The following ZFPM2 variants were observed in gnomAD, a reference collection of about 807,000 sequenced individuals.
The protein encoded by ZFPM2 is zinc finger protein ZFPM2.
In ZFPM2, 20 loss-of-function variants were observed where a neutral mutation model predicts 98.6. That is an observed-to-expected ratio of 0.20 (90% CI 0.14 to 0.29). ZFPM2 has a LOEUF of 0.29. Among genes scored for constraint, ZFPM2 ranks in the 10% least tolerant of loss-of-function variants. The pLI, the probability that ZFPM2 is intolerant of heterozygous loss-of-function variation, is 1.00. For synonymous variants in ZFPM2, 518 were observed against 502.7 expected, an observed-to-expected ratio of 1.03 and a Z score of -0.41; for missense variants, 1,310 against 1,388.6, an observed-to-expected ratio of 0.94 and a Z score of 0.90.
chr8:105,386,191 C>G (rs1453380123), intron 1 of ZFPM2, among the ~76,000 whole-genome samples: 1 of 152,152 alleles, frequency 6.6e-6, no homozygotes, highest in Non-Finnish European at 1.5e-5. Flanking sequence ...TGATATAACT[C>G]ATGAAGAGCC....
Position 105,801,867 on chromosome 8 carries a change from G to A in ZFPM2, c.1785G>A (p.Leu595=). Residue 595 remains leucine, a synonymous_variant, in exon 8 of 8, where the codon TTG becomes TTA. Transcript: ENST00000407775. ...TGTCAGAAAAGATGCCTGAAGCTTT[G>A]AGTCCCAACACTGGCCAAACCTCCA... ...PSVSEKMPEA[L]SPNTGQTSIN... 4.3e-6 allele frequency: 7 copies of A among 1,613,916 alleles called. No individual in the cohort carries two copies. The highest frequency in any genetic ancestry group is 5.9e-6 in the Non-Finnish European group (7 of 1,179,858).
Position 105,372,981 on chromosome 8 carries a change from A to G in ZFPM2, c.41-46163A>G, listed in dbSNP as rs139070497. ...TAGGTGGCAATAATATTCAAAATCC[A>G]TAGATTATCTCCCAGTTCATATGCA... On this transcript the variant is annotated intron_variant, in intron 1 of 7. Coordinates refer to ENST00000407775, the MANE Select transcript of ZFPM2 (RefSeq NM_012082.4). 2.2e-3 allele frequency among the ~76,000 whole-genome samples: 342 copies of G among 152,298 alleles called. 4 individuals are homozygous for G. The highest frequency in any genetic ancestry group is 0.017 in the East Asian group (90 of 5,184).
At chr8:105,406,695 G>T (rs1305826959) in intron 1 of ZFPM2, among the ~76,000 whole-genome samples, 1 of 151,944 alleles carries the variant, frequency 6.6e-6, no homozygotes, top group Non-Finnish European at 1.5e-5. Flanking sequence ...GCTGATTCCT[G>T]GGTCCTATCC....
chr8:105,652,919 T>C (rs1257246766), intron 5 of ZFPM2, among the ~76,000 whole-genome samples: 1 of 152,168 alleles, frequency 6.6e-6, no homozygotes, highest in Non-Finnish European at 1.5e-5. Context: ...TAGCAATAAG[T>C]CTTCAATGTT....
At chr8:105,518,768 A>G (rs1045578612) in intron 3 of ZFPM2, among the ~76,000 whole-genome samples, 18 of 152,204 alleles carry the variant, frequency 1.2e-4, no homozygotes, top group African/African-American at 4.3e-4. Context: ...TCTCTAAACC[A>G]TTTTTGACTT....
intron 2 of ZFPM2, among the ~76,000 whole-genome samples, chr8:105,423,551 T>C (rs1483143311): frequency 2.0e-5 from 3 of 152,192 alleles, no homozygotes; most frequent in East Asian, 3.8e-4. Context: ...AGCAAAATTA[T>C]TTCCTTGAAT....
At chr8:105,573,239 A>G (rs1270035098) in intron 4 of ZFPM2, among the ~76,000 whole-genome samples, 6 of 152,168 alleles carry the variant, frequency 3.9e-5, no homozygotes, top group Non-Finnish European at 5.9e-5. Context: ...AGCCCAAGAC[A>G]AAAGCCACAG....
intron 1 of ZFPM2, among the ~76,000 whole-genome samples, chr8:105,385,053 A>G (rs1436365003): frequency 6.6e-6 from 1 of 152,286 alleles, no homozygotes; most frequent in East Asian, 1.9e-4. Flanking sequence ...GATGTTTCAC[A>G]GCTCAGAAGT....
chr8:105,370,684 G>A (rs1315905833), intron 1 of ZFPM2, among the ~76,000 whole-genome samples: 1 of 152,184 alleles, frequency 6.6e-6, no homozygotes, highest in Non-Finnish European at 1.5e-5. Context: ...TTTTGATAAA[G>A]ACACTTATTG....
At chr8:105,636,415 C>A (rs1816847707) in intron 5 of ZFPM2, among the ~76,000 whole-genome samples, 1 of 152,096 alleles carries the variant, frequency 6.6e-6, no homozygotes, top group East Asian at 1.9e-4. Flanking sequence ...TAATAGCCAC[C>A]ATTTATTGGG....
chr8:105,611,839 C>T (rs1816313592), intron 4 of ZFPM2, among the ~76,000 whole-genome samples: 1 of 151,846 alleles, frequency 6.6e-6, no homozygotes, highest in African/African-American at 2.4e-5. Flanking sequence ...GCTGGGATTA[C>T]AGGCACCCAC....
intron 1 of ZFPM2, among the ~76,000 whole-genome samples, chr8:105,335,030 A>G (rs1052670538): frequency 1.1e-4 from 17 of 151,778 alleles, no homozygotes; most frequent in African/African-American, 4.1e-4. Context: ...CATAAATGCC[A>G]GCATAAATAC....
chr8:105,415,618 C>T (rs1179207110), intron 1 of ZFPM2, among the ~76,000 whole-genome samples: 2 of 152,016 alleles, frequency 1.3e-5, no homozygotes, highest in African/African-American at 2.4e-5. Context: ...ATTAATTGTA[C>T]TTGTGCTTCA....
chr8:105,452,645 G>A (rs1281123988), intron 3 of ZFPM2, among the ~76,000 whole-genome samples: 1 of 151,960 alleles, frequency 6.6e-6, no homozygotes, highest in African/African-American at 2.4e-5. Flanking sequence ...CAAGCTACTT[G>A]GGAGGCTGAG....
chr8:105,585,296 G>T (rs1815688395), intron 4 of ZFPM2, among the ~76,000 whole-genome samples: 1 of 152,122 alleles, frequency 6.6e-6, no homozygotes, highest in Admixed American at 6.6e-5. Flanking sequence ...AACCTTTTCA[G>T]TTTGTGGTTT....
intron 3 of ZFPM2, among the ~76,000 whole-genome samples, chr8:105,539,941 T>C (rs548548878): frequency 6.6e-6 from 1 of 152,290 alleles, no homozygotes; most frequent in Admixed American, 6.5e-5. Flanking sequence ...GAGCAGAATA[T>C]ATGCAGAGGT....
At chr8:105,400,744 A>G (rs1416194219) in intron 1 of ZFPM2, among the ~76,000 whole-genome samples, 8 of 152,114 alleles carry the variant, frequency 5.3e-5, no homozygotes, top group Non-Finnish European at 1.0e-4. Flanking sequence ...GGTGCACTCT[A>G]ATAGGGTAGC....
intron 3 of ZFPM2, among the ~76,000 whole-genome samples, chr8:105,467,372 A>G (rs1812813724): frequency 6.6e-6 from 1 of 152,132 alleles, no homozygotes; most frequent in Non-Finnish European, 1.5e-5. Context: ...AAATAAAAGG[A>G]CACACAAGAT....
At chr8:105,730,776 C>CTTTTTTTTT (rs201573898) in intron 5 of ZFPM2, among the ~76,000 whole-genome samples, 2 of 124,388 alleles carry the variant, frequency 1.6e-5, no homozygotes, top group Non-Finnish European at 1.7e-5. Flanking sequence ...TTTCTTTTTT[C>CTTTTTTTTT]TTTTTTTTTT....
Sources: allele counts gnomAD v4.1 joint callset (sites outside exome capture counted in the v4.1 genomes callset), GRCh38; gene constraint gnomAD v4.1.1; transcripts MANE v1.5; gene names NCBI Gene and HGNC (gene_info 2026-07-23, HGNC 2026-07-21).